The following C1orf21 variants were observed in gnomAD, a reference collection of about 807,000 sequenced individuals.
The protein encoded by C1orf21 is chromosome 1 open reading frame 21, also known as uncharacterized protein C1orf21.
Under a neutral mutation model 18.7 loss-of-function variants are expected in C1orf21, and 3 were observed. That is an observed-to-expected ratio of 0.16 (90% confidence interval 0.07 to 0.42). The LOEUF is 0.42. Ranked by LOEUF, C1orf21 falls within the 10% of genes least tolerant of loss-of-function variation. The probability of loss-of-function intolerance (pLI) is 0.99; values close to 1 mark genes in which losing one functional copy is unlikely to be tolerated. For missense variants in C1orf21, 104 were observed against 143.6 expected (o/e 0.72, Z 1.41); for synonymous variants, 41 against 46.4 (o/e 0.88, Z 0.47).
At chr1:184,412,276 G>A (rs146546574) in intron 1 of C1orf21, 2 of 152,332 alleles carry the variant, frequency 1.3e-5, no homozygotes, top group African/African-American at 4.8e-5. Flanking sequence ...CTTTTGTAAG[G>A]AATGCATTTG....
intron 5 of C1orf21, chr1:184,599,641 T>C (rs1438360154): frequency 6.6e-6 from 1 of 152,244 alleles, no homozygotes; most frequent in Non-Finnish European, 1.5e-5. Context: ...TTGTGGCTTA[T>C]GAATGACTTT....
intron 2 of C1orf21, among the ~76,000 whole-genome samples, chr1:184,478,809 G>C (rs900968730): frequency 6.6e-6 from 1 of 152,156 alleles, no homozygotes; most frequent in Non-Finnish European, 1.5e-5. Flanking sequence ...ACATTTGCAC[G>C]ATGCTTTCAT....
chr1:184,399,356 ATTTTTTT>A (rs59376994), intron 1 of C1orf21, among the ~76,000 whole-genome samples: 3 of 79,082 alleles, frequency 3.8e-5, no homozygotes, highest in Non-Finnish European at 2.6e-5. Context: ...ATGTACTTCT[ATTTTTTT>A]TTTTTTTTTT....
chr1:184,390,168 A>C (rs1655949160), intron 1 of C1orf21, among the ~76,000 whole-genome samples: 2 of 152,238 alleles, frequency 1.3e-5, no homozygotes, highest in South Asian at 4.1e-4. Context: ...AAATATAAAG[A>C]GAGGAGAGAG....
At chr1:184,523,030 A>G (rs1038326499) in intron 3 of C1orf21, among the ~76,000 whole-genome samples, 9 of 152,226 alleles carry the variant, frequency 5.9e-5, no homozygotes, top group Non-Finnish European at 1.2e-4. Flanking sequence ...ATAAATATCC[A>G]TGAGTCCATA....
At chr1:184,401,931 A>T (rs998039096) in intron 1 of C1orf21, among the ~76,000 whole-genome samples, 9 of 152,154 alleles carry the variant, frequency 5.9e-5, no homozygotes, top group Non-Finnish European at 1.3e-4. Context: ...TTAAGAACTA[A>T]TGCGTGTTTT....
chr1:184,494,845 CTT>C (rs569758976), intron 2 of C1orf21, among the ~76,000 whole-genome samples: 48 of 142,838 alleles, frequency 3.4e-4, no homozygotes, highest in Non-Finnish European at 3.2e-4. Flanking sequence ...TTTGCTTTTG[CTT>C]TTTTTTTTTT....
chr1:184,540,378 T>C (rs1658628653), intron 3 of C1orf21, among the ~76,000 whole-genome samples: 1 of 152,180 alleles, frequency 6.6e-6, no homozygotes, highest in Non-Finnish European at 1.5e-5. Flanking sequence ...GACAGACTTA[T>C]GATACATCTT....
chr1:184,442,229 G>A (rs1029044371), intron 1 of C1orf21, among the ~76,000 whole-genome samples: 1 of 152,142 alleles, frequency 6.6e-6, no homozygotes, highest in Non-Finnish European at 1.5e-5. Flanking sequence ...CAATAAAATT[G>A]TAGTTGTTCA....
intron 5 of C1orf21, among the ~76,000 whole-genome samples, chr1:184,614,182 T>G (rs565436520): frequency 6.6e-6 from 1 of 152,338 alleles, no homozygotes; most frequent in African/African-American, 2.4e-5. Context: ...GTTGGTCTCA[T>G]TTTTCAGTAT....
intron 1 of C1orf21, among the ~76,000 whole-genome samples, chr1:184,430,070 C>T (rs1485638991): frequency 2.6e-5 from 4 of 150,980 alleles, no homozygotes; most frequent in Non-Finnish European, 5.9e-5. Flanking sequence ...CGAGATCACC[C>T]CACTGCACTC....
chr1:184,409,875 T>A lies in C1orf21; in HGVS notation c.-125+22507T>A, dbSNP rs116504378. ...CAGAGTAGCTCCCAACAGAAGAGAA[T>A]CAAAACATTTATGTAAATTCGTATA... On this transcript the variant is annotated intron_variant, in intron 1 of 5. Transcript: ENST00000235307. 2.8e-3 allele frequency among the ~76,000 whole-genome samples: 433 copies of A among 152,236 alleles called. 5 individuals are homozygous for A. Among genetic ancestry groups the A allele is most frequent in the African/African-American group, 8.9e-3 (369 of 41,532 alleles).
At chr1:184,445,502 C>T (rs1352389157) in intron 1 of C1orf21, among the ~76,000 whole-genome samples, 3 of 125,118 alleles carry the variant, frequency 2.4e-5, no homozygotes, top group Non-Finnish European at 3.2e-5. Context: ...TTACCTGATT[C>T]GACTACACTT....
chr1:184,477,741 C>T (rs887743576), intron 2 of C1orf21, 138 bp downstream of exon 2: 3 of 672,108 alleles, frequency 4.5e-6, no homozygotes, highest in South Asian at 4.0e-5. Flanking sequence ...ACGATCAAGT[C>T]GGTATTTAGG....
chr1:184,405,962 A>G (rs555377552), intron 1 of C1orf21, among the ~76,000 whole-genome samples: 8 of 152,314 alleles, frequency 5.3e-5, no homozygotes, highest in Non-Finnish European at 1.0e-4. Flanking sequence ...GAGAGTTTTT[A>G]TAGTGATACT....
rs558024327 is a variant in C1orf21 at position 184,536,710 on chromosome 1, T to A, written c.189+29028T>A. On this transcript the variant is annotated intron_variant, in intron 3 of 5. Transcript: ENST00000235307. ...CCATGTCTAATTGCCTATTAACCTA[T>A]GAAAAAAATTCAGACACTATCCCTC... 4.3e-4 allele frequency among the ~76,000 whole-genome samples: 66 copies of A among 152,258 alleles called. 1 individual carries two copies. Among genetic ancestry groups the A allele is most frequent in the African/African-American group, 1.5e-3 (62 of 41,552 alleles).
At chr1:184,397,730 C>A (rs996778716) in intron 1 of C1orf21, among the ~76,000 whole-genome samples, 1 of 152,126 alleles carries the variant, frequency 6.6e-6, no homozygotes, top group Non-Finnish European at 1.5e-5. Context: ...CTTATGCGAG[C>A]ACCCAATGTA....
intron 1 of C1orf21, among the ~76,000 whole-genome samples, chr1:184,398,665 A>T (rs1003041852): frequency 6.6e-6 from 1 of 152,214 alleles, no homozygotes; most frequent in African/African-American, 2.4e-5. Flanking sequence ...AGGCTATAGG[A>T]TATAGCCTAT....
intron 3 of C1orf21, among the ~76,000 whole-genome samples, chr1:184,517,987 A>C (rs924713243): frequency 3.9e-5 from 6 of 152,170 alleles, no homozygotes; most frequent in African/African-American, 1.2e-4. Flanking sequence ...TTCTTAAGGG[A>C]ATAACCTTAC....
Sources: allele counts gnomAD v4.1 joint callset (sites outside exome capture counted in the v4.1 genomes callset), GRCh38; gene constraint gnomAD v4.1.1; transcripts MANE v1.5; gene names NCBI Gene and HGNC (gene_info 2026-07-23, HGNC 2026-07-21).